The following SLC6A2 variants were observed in gnomAD, a reference collection of about 807,000 sequenced individuals.
SLC6A2 encodes the protein sodium-dependent noradrenaline transporter.
A neutral mutation model predicts 71.7 loss-of-function variants in SLC6A2; 26 were observed. The ratio of observed to expected loss-of-function variants is 0.36; its 90% CI spans 0.27 to 0.50. The LOEUF is 0.50. Ranked by LOEUF, SLC6A2 falls within the 20% of genes least tolerant of loss-of-function variation. SLC6A2 has a pLI of 0.96. For missense variants in SLC6A2, 581 were observed against 803.9 expected, an observed-to-expected ratio of 0.72 and a Z score of 3.35; for synonymous variants, 363 against 337.9, an observed-to-expected ratio of 1.07 and a Z score of -0.82.
At chr16:55,671,163 G>C (rs543107684) in intron 3 of SLC6A2, among the ~76,000 whole-genome samples, 3 of 152,314 alleles carry the variant, frequency 2.0e-5, no homozygotes, top group African/African-American at 7.2e-5. Context: ...GTGATCCTTA[G>C]GGAGCAGCAA....
intron 13 of SLC6A2, 92 bp from the exon 14 acceptor site, chr16:55,701,771 T>A: frequency 1.1e-6 from 1 of 873,526 alleles, no homozygotes; most frequent in Non-Finnish European, 2.0e-6. Flanking sequence ...CAGGATCAAA[T>A]AGCAGGTGGC....
At chr16:55,699,461 C>G (rs1387386448) in intron 11 of SLC6A2, 93 bp from the exon 12 acceptor site, 8 of 953,890 alleles carry the variant, frequency 8.4e-6, no homozygotes, top group Non-Finnish European at 1.2e-5. Context: ...GCCTCACTGC[C>G]CTGCTCTCCA....
At chr16:55,671,670 T>C in intron 3 of SLC6A2, 2 of 633,022 alleles carry the variant, frequency 3.2e-6, no homozygotes, top group Non-Finnish European at 5.4e-6. Context: ...GCGAGGGATC[T>C]AGGTTGTGTG....
intron 12 of SLC6A2, among the ~76,000 whole-genome samples, chr16:55,699,886 A>G (rs1340904245): frequency 6.6e-6 from 1 of 151,976 alleles, no homozygotes; most frequent in African/African-American, 2.4e-5. Flanking sequence ...GCCTTCTCCA[A>G]AGTCACCTTC....
intron 4 of SLC6A2, among the ~76,000 whole-genome samples, chr16:55,676,297 C>A (rs1409794198): frequency 1.3e-5 from 2 of 152,196 alleles, no homozygotes; most frequent in Non-Finnish European, 2.9e-5. Context: ...TAACCTCTTA[C>A]CATGTGTATG....
intron 4 of SLC6A2, among the ~76,000 whole-genome samples, chr16:55,680,458 T>C (rs1489235786): frequency 2.0e-5 from 3 of 152,052 alleles, no homozygotes; most frequent in African/African-American, 7.2e-5. Flanking sequence ...TGGAATCCGA[T>C]GTTCGAGGGT....
At chr16:55,690,433 A>G (rs1233696187) in intron 5 of SLC6A2, among the ~76,000 whole-genome samples, 7 of 152,160 alleles carry the variant, frequency 4.6e-5, no homozygotes, top group African/African-American at 1.7e-4. Flanking sequence ...TTAGCCTGGC[A>G]AAGAACTTTC....
rs571457897 is a variant in SLC6A2, at chr16:55,682,492, A to G, written c.645-2651A>G. Among the ~76,000 whole-genome samples, 5 of 152,262 alleles carry G rather than the reference A, an allele frequency of 3.3e-5. No homozygotes were observed. The South Asian group carries it at 1.0e-3, about 32-fold the overall frequency. On this transcript the variant is annotated intron_variant, in intron 4 of 14. Transcript: ENST00000568943. ...GAGGGATTGTTGGGTTTAGCAAGAA[A>G]GGCTGGGAGCATTTATCTGTTTCTA...
Position 55,701,887 on chromosome 16 carries a change from G to A in SLC6A2, c.1783G>A (p.Glu595Lys). 1.2e-6 allele frequency: 2 copies of A among 1,614,124 alleles called. No homozygotes were observed. The highest frequency in any genetic ancestry group is 1.7e-6 in the Non-Finnish European group (2 of 1,179,944). The part of the protein sequence containing the change: ...WERLAYGITP[E>K]NEHHLVAQRD... The stretch of plus-strand genomic sequence containing the variant: ...GAGACTGGCCTATGGCATCACGCCA[G>A]AGAACGAGCACCACCTGGTGGCTCA... Residue 595 changes from glutamate (E) to lysine (K), a missense_variant, in exon 14 of 15, where the codon GAG (glutamate) becomes AAG (lysine). By Grantham distance (56) the Glu-to-Lys change is moderately conservative (BLOSUM62 1). Around this residue, in one of 5 missense-constraint regions of SLC6A2, gnomAD observed 334 missense variants for 449.0 expected, o/e 0.74. Coordinates refer to ENST00000568943, the MANE Select transcript of SLC6A2 (RefSeq NM_001172501.3).
In SLC6A2 at chr16:55,698,155, C is replaced by T. The variant is rs1965858479; in HGVS notation, c.1389+130C>T. 3 of 1,028,636 alleles carry T rather than the reference C, an allele frequency of 2.9e-6. No individual in the cohort carries two copies. The East Asian group carries it at 7.1e-5, about 24-fold the overall frequency. The allele number at this position is 1,028,636 out of a possible 1,614,324, so 63.7% of individuals were successfully genotyped here. A position where few individuals can be genotyped will look rare whatever the true frequency, so the allele number is the denominator to read the frequency against. On this transcript the variant is annotated intron_variant, in intron 10 of 14. Transcript: ENST00000568943. Reference sequence around the variant, plus strand: ...AATGCAGGATCCAGCATCCTCAATTCAGCGGCCTGACCCACTAGGGTTAGG... The same window carrying T: ...AATGCAGGATCCAGCATCCTCAATTTAGCGGCCTGACCCACTAGGGTTAGG...
At chr16:55,699,739 G>T in intron 12 of SLC6A2, 85 bp downstream of exon 12, 1 of 993,982 alleles carries the variant, frequency 1.0e-6, no homozygotes, top group East Asian at 2.5e-5. Context: ...TGCTTCTTAG[G>T]GGAGGAGGCT....
chr16:55,702,359 GAGA>G lies in SLC6A2; in HGVS notation c.*16_*18del. 6.2e-7 allele frequency: 1 copy of G among 1,614,220 alleles called. No individual in the cohort carries two copies. The highest frequency in any genetic ancestry group is 8.5e-7 in the Non-Finnish European group (1 of 1,180,048). On this transcript the variant is annotated 3_prime_UTR_variant, in exon 15 of 15. Transcript: ENST00000568943. ...GCTGGCCATCTGAGCCTGCCTGGAG[GAGA>G]AGGAGGAACCCCCATGCCAATGTCC...
chr16:55,664,521 A>C (rs1445126954), intron 2 of SLC6A2, among the ~76,000 whole-genome samples: 1 of 152,130 alleles, frequency 6.6e-6, no homozygotes, highest in Non-Finnish European at 1.5e-5. Context: ...CCTCCACCAC[A>C]CAAGACAGCC....
chr16:55,672,113 C>A lies in SLC6A2; in HGVS notation c.582C>A (p.Ser194=). ...CCGACCCCAAGCTCCTCAATGGCTC[C>A]GTGCTTGGCAACCACACCAAGTACT... ...NCTDPKLLNG[S]VLGNHTKYSK... is the part of the protein sequence containing the mutation. Residue 194 remains serine (S), a synonymous_variant, in exon 4 of 15, where the codon TCC becomes TCA. Coordinates refer to ENST00000568943, the MANE Select transcript of SLC6A2 (RefSeq NM_001172501.3). The A allele has an allele frequency of 6.2e-7, 1 of 1,614,184 alleles. No individual in the cohort carries two copies. The highest frequency in any genetic ancestry group is 8.5e-7 in the Non-Finnish European group (1 of 1,180,036).
intron 2 of SLC6A2, among the ~76,000 whole-genome samples, chr16:55,667,614 A>G (rs1383214360): frequency 2.6e-5 from 4 of 152,174 alleles, no homozygotes; most frequent in African/African-American, 9.7e-5. Flanking sequence ...AGAGGGAGAA[A>G]GGAAGAGAAT....
rs1326346897 is a variant in SLC6A2 at position 55,704,961 on chromosome 16, A to G, written c.*2615A>G. On this transcript the variant is annotated 3_prime_UTR_variant, in exon 15 of 15. Coordinates refer to ENST00000568943, the MANE Select transcript of SLC6A2 (RefSeq NM_001172501.3). ...CATTTGGGTTTACCTTTCCACCCACATTTAATGGAGAGAGAGTATGGGCTT... is the reference window on the plus strand; with the variant it reads ...CATTTGGGTTTACCTTTCCACCCACGTTTAATGGAGAGAGAGTATGGGCTT... The G allele has an allele frequency of 2.9e-6, 1 of 342,040 alleles. No individual in the cohort carries two copies. The highest frequency in any genetic ancestry group is 2.1e-5 in the African/African-American group (1 of 47,224). The allele number at this position is 342,040 out of a possible 1,614,324, so 21.2% of individuals were successfully genotyped here. A position where few individuals can be genotyped will look rare whatever the true frequency, so the allele number is the denominator to read the frequency against.
intron 2 of SLC6A2, among the ~76,000 whole-genome samples, chr16:55,658,403 C>T (rs150009741): frequency 5.1e-4 from 77 of 152,180 alleles, no homozygotes; most frequent in African/African-American, 1.4e-3. Context: ...ATCCCAGCTA[C>T]GCAGGAGGCT....
intron 5 of SLC6A2, among the ~76,000 whole-genome samples, chr16:55,689,028 T>C (rs1298648172): frequency 6.6e-6 from 1 of 152,168 alleles, no homozygotes; most frequent in East Asian, 1.9e-4. Context: ...CCAAGACCAA[T>C]GGGCTGCTCA....
At chr16:55,676,354 C>T (rs770832594) in intron 4 of SLC6A2, among the ~76,000 whole-genome samples, 24 of 152,176 alleles carry the variant, frequency 1.6e-4, no homozygotes, top group Non-Finnish European at 1.3e-4. Flanking sequence ...ATTTAAGCCT[C>T]ACCCACCTAA....
Sources: gnomAD v4.1 joint callset for allele counts (sites outside exome capture counted in the v4.1 genomes callset) on GRCh38, gnomAD v4.1.1 for gene constraint, gnomAD v4.1.1 regional missense constraint, MANE v1.5 for transcripts, NCBI Gene and HGNC (gene_info 2026-07-23, HGNC 2026-07-21) for gene names.